CA6: variants seen among roughly 807,000 people sequenced by gnomAD.
CA6 encodes the protein carbonate dehydratase VI.
CA6 carries 28 observed loss-of-function variants against 35.9 expected under a neutral mutation model. That is an observed-to-expected ratio of 0.78 (90% CI 0.58 to 1.07). CA6 has a LOEUF of 1.07. CA6 is among the 50% of genes least tolerant of loss of function. The pLI, the probability that CA6 is intolerant of heterozygous loss-of-function variation, is 0.00. For synonymous variants in CA6, 148 were observed against 152.6 expected (o/e 0.97, Z 0.22); for missense variants, 377 against 382.0 (o/e 0.99, Z 0.11).
chr1:8,974,698 G>T lies in CA6; in HGVS notation c.921G>T (p.Leu307Phe). 6.3e-7 allele frequency: 1 copy of T among 1,589,896 alleles called. No individual in the cohort carries two copies. The change falls in exon 8 of 8, where the codon TTG becomes TTT. Residue 307 changes from leucine to phenylalanine, a missense_variant. Physicochemically the swap from Leu to Phe is conservative, Grantham distance 22. Transcript: ENST00000377443. ...EEILDYLRRA[L>F]N ...TTCTTGACTACTTAAGAAGAGCATT[G>T]AACTGAGGAAAGCTAAGAGGAAGAT...
At chr1:8,960,399 A>T (rs910496807) in intron 4 of CA6, among the ~76,000 whole-genome samples, 3 of 146,154 alleles carry the variant, frequency 2.1e-5, no homozygotes, top group South Asian at 2.1e-4. Flanking sequence ...GAGAAAAATT[A>T]AAAAAAAAAA....
Position 8,962,626 on chromosome 1 carries a change from A to C in CA6, c.541A>C (p.Ile181Leu). Residue 181 changes from isoleucine (I) to leucine (L), a missense_variant, in exon 5 of 8, where the codon ATT (isoleucine) becomes CTT (leucine). Ile to Leu is a conservative substitution (Grantham distance 5). Transcript: ENST00000377443. The stretch of plus-strand genomic sequence containing the variant: ...TGAAAACACTTATTACAGCAACTTC[A>C]TTTCTCATCTGGCCAACATCAAGTA... ...YPENTYYSNF[I>L]SHLANIKYPG... 1.9e-6 allele frequency: 3 copies of C among 1,613,898 alleles called. No individual in the cohort carries two copies. The South Asian group carries it at 3.3e-5, about 18-fold the overall frequency.
rs1569743362 is a variant in CA6 at position 8,974,508 on chromosome 1, T to C, written c.845-114T>C. 7 of 1,445,564 alleles carry C rather than the reference T, an allele frequency of 4.8e-6. No individual in the cohort carries two copies. In the East Asian group the frequency reaches 1.7e-4, roughly 35 times the overall value. 89.5% of individuals were successfully genotyped at this position (1,445,564 alleles called of 1,614,324 possible). On this transcript the variant is annotated intron_variant, in intron 7 of 7. Transcript: ENST00000377443. Reference sequence around the variant, plus strand: ...GGCACGTGGAGAGCATTCTAAGGAATCAAAAGACTTCCCAAAAATACGATG... The same window carrying C: ...GGCACGTGGAGAGCATTCTAAGGAACCAAAAGACTTCCCAAAAATACGATG...
intron 5 of CA6, 105 bp from the exon 6 acceptor site, chr1:8,967,554 G>A: frequency 1.2e-6 from 1 of 842,260 alleles, no homozygotes; most frequent in Non-Finnish European, 1.9e-6. Context: ...TCTATGTTCT[G>A]CTGAACTCAA....
intron 4 of CA6, among the ~76,000 whole-genome samples, chr1:8,961,141 A>G (rs1639833350): frequency 6.6e-6 from 1 of 152,210 alleles, no homozygotes; most frequent in South Asian, 2.1e-4. Context: ...ACACATTCCC[A>G]GATATACGAA....
At chr1:8,954,971 C>T (rs1028134374) in intron 2 of CA6, among the ~76,000 whole-genome samples, 2 of 152,146 alleles carry the variant, frequency 1.3e-5, no homozygotes, top group Non-Finnish European at 2.9e-5. Flanking sequence ...CAAGTTGCTA[C>T]AAAATTTCTA....
intron 7 of CA6, among the ~76,000 whole-genome samples, chr1:8,973,289 G>A (rs1640155542): frequency 6.6e-6 from 1 of 152,144 alleles, no homozygotes; most frequent in Admixed American, 6.6e-5. Flanking sequence ...AAATTGCTGG[G>A]ATTACAGGTG....
At chr1:8,957,309 C>A in intron 3 of CA6, 24 bp downstream of exon 3, 1 of 1,588,778 alleles carries the variant, frequency 6.3e-7, no homozygotes, top group South Asian at 1.1e-5. Context: ...CCCACTGTGT[C>A]CTCTTTCCTT....
intron 5 of CA6, 47 bp downstream of exon 5, chr1:8,962,703 G>A (rs1379033803): frequency 1.3e-5 from 19 of 1,503,888 alleles, no homozygotes; most frequent in Non-Finnish European, 1.8e-5. Flanking sequence ...GAATGAGTGT[G>A]AGTGTGAGTG....
intron 6 of CA6, among the ~76,000 whole-genome samples, chr1:8,969,245 G>T (rs1640048766): frequency 6.6e-6 from 1 of 151,898 alleles, no homozygotes; most frequent in Non-Finnish European, 1.5e-5. Context: ...AACCCAGGAG[G>T]CGGATGTTGC....
chr1:8,963,309 C>A lies in CA6; in HGVS notation c.571+653C>A, dbSNP rs1452955227. The stretch of plus-strand genomic sequence containing the variant: ...TTCCACATTCTTGCTCCTAGTGACG[C>A]CTGTGTCCTTTCATCTCTCTCCCAG... On this transcript the variant is annotated intron_variant, in intron 5 of 7. Transcript: ENST00000377443. This position sits in a 1 kb window ranked among gnomAD's most constrained non-coding sequence, Gnocchi z 4.1. 6.6e-6 allele frequency among the ~76,000 whole-genome samples: 1 copy of A among 152,082 alleles called. No individual in the cohort carries two copies. Among genetic ancestry groups the A allele is most frequent in the Non-Finnish European group, 1.5e-5 (1 of 68,018 alleles).
Position 8,970,823 on chromosome 1 carries a change from C to G in CA6, c.730-44C>G, listed in dbSNP as rs1421957295. ...GCCAACTGTTATTTCTTTTAAATTACCCAGTGACTCTTCCCCTCCATAATG... is the reference window on the plus strand; with the variant it reads ...GCCAACTGTTATTTCTTTTAAATTAGCCAGTGACTCTTCCCCTCCATAATG... On this transcript the variant is annotated intron_variant, in intron 6 of 7. Coordinates refer to ENST00000377443, the MANE Select transcript of CA6 (RefSeq NM_001215.4). 4.2e-6 allele frequency: 5 copies of G among 1,187,612 alleles called. No homozygotes were observed. In the African/African-American group the frequency reaches 7.5e-5, roughly 18 times the overall value. 73.6% of individuals were successfully genotyped at this position (1,187,612 alleles called of 1,614,324 possible).
rs1639929548 is a variant in CA6, at chr1:8,964,837, G to A, written c.571+2181G>A. Among the ~76,000 whole-genome samples the A allele has an allele frequency of 1.3e-5, 2 of 152,108 alleles. 1 individual carries two copies. The highest frequency in any genetic ancestry group is 1.3e-4 in the Admixed American group (2 of 15,254). ...GTTTACCTTCAAAGGGTGGTCTGGC[G>A]CGCCCCAGCTCTGCCCTCTCACTCT... On this transcript the variant is annotated intron_variant, in intron 5 of 7. Transcript: ENST00000377443.
chr1:8,948,542 A>G (rs1639431782), intron 1 of CA6, among the ~76,000 whole-genome samples: 1 of 151,926 alleles, frequency 6.6e-6, no homozygotes, highest in East Asian at 1.9e-4. Flanking sequence ...TGTTGGGGGC[A>G]TGGAAGGACA....
intron 7 of CA6, chr1:8,974,211 A>G (rs1192785922): frequency 5.3e-6 from 3 of 565,022 alleles, no homozygotes; most frequent in Admixed American, 7.2e-5. Context: ...AGAGAACTGT[A>G]TCCCAGCGGG....
intron 6 of CA6, among the ~76,000 whole-genome samples, chr1:8,970,381 G>A (rs888713274): frequency 2.6e-5 from 4 of 152,104 alleles, no homozygotes; most frequent in Admixed American, 2.0e-4. Context: ...AAGAATGCAC[G>A]GATAGATTAG....
At chr1:8,959,930 TCAA>T (rs1639792251) in intron 4 of CA6, among the ~76,000 whole-genome samples, 1 of 42,600 alleles carries the variant, frequency 2.3e-5, no homozygotes, top group African/African-American at 1.9e-4. Context: ...AGATTCTATC[TCAA>T]AAAAAAAAAA....
intron 6 of CA6, among the ~76,000 whole-genome samples, chr1:8,968,359 T>C (rs568797143): frequency 1.3e-5 from 2 of 152,190 alleles, no homozygotes; most frequent in East Asian, 3.9e-4. Flanking sequence ...CCAGTCAGGC[T>C]AGAAGTGCCC....
In CA6 at chr1:8,959,931, C is replaced by CAAA. The variant is rs373250863; in HGVS notation, c.501+946_501+948dup. Among the ~76,000 whole-genome samples the CAAA allele has an allele frequency of 3.6e-3, 269 of 75,152 alleles. 7 individuals are homozygous for CAAA. Among genetic ancestry groups the CAAA allele is most frequent in the African/African-American group, 0.017 (246 of 14,772 alleles). 49.3% of individuals were successfully genotyped at this position (75,152 alleles called of 152,430 possible). ...TGGGCAATAAAGCTAGATTCTATCT[C>CAAA]AAAAAAAAAAAAAAAAAAAGCTGGG... is the stretch of plus-strand genomic sequence containing the variant. On this transcript the variant is annotated intron_variant, in intron 4 of 7. Coordinates refer to ENST00000377443, the MANE Select transcript of CA6 (RefSeq NM_001215.4).
Sources: allele counts gnomAD v4.1 joint callset (sites outside exome capture counted in the v4.1 genomes callset), GRCh38; gene constraint gnomAD v4.1.1; non-coding constraint Gnocchi (gnomAD v3.1); transcripts MANE v1.5; gene names NCBI Gene and HGNC (gene_info 2026-07-23, HGNC 2026-07-21).